TSPEAR: variants seen among roughly 807,000 people sequenced by gnomAD.
The protein encoded by TSPEAR is thrombospondin type laminin G domain and EAR repeats.
In TSPEAR, 69 loss-of-function variants were observed where a neutral mutation model predicts 71.6. The ratio of observed to expected loss-of-function variants is 0.96; its 90% CI spans 0.79 to 1.18. The LOEUF (loss-of-function observed/expected upper bound fraction) is 1.18, where lower values mean the gene tolerates loss of function less well. TSPEAR is among the 50% of genes most tolerant of loss of function. The pLI is 0.00. For missense variants in TSPEAR, 971 were observed against 894.9 expected (o/e 1.09, Z -1.09); for synonymous variants, 402 against 387.2 (o/e 1.04, Z -0.45).
intron 2 of TSPEAR, among the ~76,000 whole-genome samples, chr21:44,551,762 G>T (rs1284746736): frequency 6.6e-6 from 1 of 152,202 alleles, no homozygotes; most frequent in Non-Finnish European, 1.5e-5. Context: ...AACACCAGGA[G>T]GGAAGGTGTG....
At chr21:44,617,829 G>A (rs782769946) in intron 1 of TSPEAR, among the ~76,000 whole-genome samples, 7 of 152,236 alleles carry the variant, frequency 4.6e-5, no homozygotes, top group East Asian at 1.9e-4. Context: ...TATTACAAAC[G>A]ACACTTCTGT....
rs587764735 is a variant in TSPEAR at position 44,627,695 on chromosome 21, C to A, written c.83-59690G>T. 5 of 1,603,790 alleles carry A rather than the reference C, an allele frequency of 3.1e-6. No homozygotes were observed. The South Asian group carries it at 5.6e-5, about 18-fold the overall frequency. ...AGCTGCCAGCCAGCTTGCTGCACTT[C>A]CTCCCCCTGCCAGCAGTCCTACTGT... is the stretch of plus-strand genomic sequence containing the variant. On this transcript the variant is annotated intron_variant, in intron 1 of 11. Transcript: ENST00000323084.
At chr21:44,566,866 A>C (rs2053710057) in intron 2 of TSPEAR, among the ~76,000 whole-genome samples, 1 of 152,206 alleles carries the variant, frequency 6.6e-6, no homozygotes, top group African/African-American at 2.4e-5. Context: ...AATTAAATGG[A>C]TTGAAGACTC....
chr21:44,580,164 C>T (rs782787241), intron 1 of TSPEAR: 71 of 1,613,634 alleles, frequency 4.4e-5, no homozygotes, highest in Non-Finnish European at 5.3e-5. Flanking sequence ...ACACAGCACA[C>T]GGGCTTGCAG....
chr21:44,673,545 A>G (rs1287928402), intron 1 of TSPEAR, among the ~76,000 whole-genome samples: 1 of 152,228 alleles, frequency 6.6e-6, no homozygotes, highest in Non-Finnish European at 1.5e-5. Flanking sequence ...CATTAGACAT[A>G]TCATCCAGAC....
At chr21:44,550,447 C>G in intron 2 of TSPEAR, 1 of 677,040 alleles carries the variant, frequency 1.5e-6, no homozygotes, top group Non-Finnish European at 2.5e-6. Flanking sequence ...CCCCAACCAG[C>G]GACCAGCGAC....
intron 1 of TSPEAR, chr21:44,638,267 G>A: frequency 5.3e-6 from 8 of 1,500,894 alleles, no homozygotes; most frequent in Non-Finnish European, 7.1e-6. Flanking sequence ...GACACCCTCA[G>A]AAGGTGGGGC....
rs35000802 is a variant in TSPEAR, at chr21:44,583,002, C to CT, written c.83-14998dup. The stretch of plus-strand genomic sequence containing the variant: ...CACATCCAGCTATTTTTCTTTCTTT[C>CT]TTTTTTTTTTTGTATTTTTAGTAGA... On this transcript the variant is annotated intron_variant, in intron 1 of 11. Transcript: ENST00000323084. Among the ~76,000 whole-genome samples, 21 of 151,714 alleles carry CT rather than the reference C, an allele frequency of 1.4e-4. No homozygotes were observed. The East Asian group carries it at 1.9e-3, about 14-fold the overall frequency.
chr21:44,629,547 ACAAGT>A (rs1250243817), intron 1 of TSPEAR, among the ~76,000 whole-genome samples: 1 of 152,196 alleles, frequency 6.6e-6, no homozygotes, highest in Non-Finnish European at 1.5e-5. Context: ...CGGGGGCATC[ACAAGT>A]CAGCCCATAT....
intron 1 of TSPEAR, among the ~76,000 whole-genome samples, chr21:44,615,738 AAGC>A (rs1982049362): frequency 6.6e-6 from 1 of 152,110 alleles, no homozygotes; most frequent in Non-Finnish European, 1.5e-5. Flanking sequence ...TTATCAAAAG[AAGC>A]AGAACATCAT....
At chr21:44,548,452 G>A (rs1357394280) in intron 2 of TSPEAR, among the ~76,000 whole-genome samples, 5 of 152,300 alleles carry the variant, frequency 3.3e-5, no homozygotes, top group South Asian at 4.1e-4. Flanking sequence ...GGGGTGGGTG[G>A]GTGGACGGCA....
chr21:44,602,648 G>A (rs1324644225), intron 1 of TSPEAR, among the ~76,000 whole-genome samples: 1 of 152,240 alleles, frequency 6.6e-6, no homozygotes, highest in African/African-American at 2.4e-5. Context: ...CTGGGAGTCT[G>A]GAATTCTGGC....
rs587716611 is a variant in TSPEAR at position 44,504,175 on chromosome 21, G to A, written c.1856+605C>T. Among the ~76,000 whole-genome samples the A allele has an allele frequency of 1.1e-3, 152 of 142,200 alleles. 1 individual carries two copies. In the South Asian group the frequency reaches 0.012, roughly 11 times the overall value. The allele number at this position is 142,200 out of a possible 152,430, so 93.3% of individuals were successfully genotyped here. On this transcript the variant is annotated intron_variant, in intron 11 of 11. Transcript: ENST00000323084. ...GGAAGCAAGTCTCTTGGAGGAGGCC[G>A]GCCTTGGTGAGCCCACAGTGGGGAA...
chr21:44,654,450 G>T, intron 1 of TSPEAR: 1 of 1,614,074 alleles, frequency 6.2e-7, no homozygotes, highest in South Asian at 1.1e-5. Flanking sequence ...CTGGCTGGCA[G>T]CAGGTGGATA....
At chr21:44,543,920 TA>T (rs1569176977) in intron 2 of TSPEAR, among the ~76,000 whole-genome samples, 1 of 152,166 alleles carries the variant, frequency 6.6e-6, no homozygotes, top group African/African-American at 2.4e-5. Context: ...AATGAAGGAA[TA>T]AAAAAACTTA....
intron 1 of TSPEAR, among the ~76,000 whole-genome samples, chr21:44,693,962 G>C (rs977660348): frequency 6.6e-6 from 1 of 152,188 alleles, no homozygotes; most frequent in African/African-American, 2.4e-5. Context: ...TGGATGAATG[G>C]ATTCACACTT....
At chr21:44,675,098 C>T (rs7283406) in intron 1 of TSPEAR, among the ~76,000 whole-genome samples, 24,642 of 151,848 alleles carry the variant, frequency 0.16, 2,078 homozygotes, top group Admixed American at 0.17. Context: ...ACCTTGATAC[C>T]GAAAGCAGAC....
At chr21:44,534,444 AG>A (rs1418584359) in intron 2 of TSPEAR, among the ~76,000 whole-genome samples, 2 of 2,498 alleles carry the variant, frequency 8.0e-4, no homozygotes, top group African/African-American at 4.0e-3. Flanking sequence ...GGTTGGTGTG[AG>A]GGGGCGGGGC....
intron 1 of TSPEAR, chr21:44,627,443 C>G: frequency 6.2e-7 from 1 of 1,613,660 alleles, no homozygotes. Flanking sequence ...GCTTACTGCA[C>G]CTCCTCCCCC....
Sources: gnomAD v4.1 joint callset for allele counts (sites outside exome capture counted in the v4.1 genomes callset) on GRCh38, gnomAD v4.1.1 for gene constraint, MANE v1.5 for transcripts, NCBI Gene and HGNC (gene_info 2026-07-23, HGNC 2026-07-21) for gene names.